The following DMD variants were observed in gnomAD, a reference collection of about 807,000 sequenced individuals.
The protein encoded by DMD is mutant dystrophin.
DMD carries 63 observed loss-of-function variants against 330.1 expected under a neutral mutation model. That is an observed-to-expected ratio of 0.19 (90% CI 0.16 to 0.24). The LOEUF (loss-of-function observed/expected upper bound fraction) is 0.24, where lower values mean the gene tolerates loss of function less well. DMD is among the 10% of genes least tolerant of loss of function. The pLI, the probability that DMD is intolerant of heterozygous loss-of-function variation, is 1.00. For missense variants in DMD, 3,344 were observed against 2,684.1 expected (o/e 1.25, Z -5.43); for synonymous variants, 1,223 against 959.8 (o/e 1.27, Z -5.07).
At chrX:32,430,134 C>CT (rs1024158007) in intron 29 of DMD, among the ~76,000 whole-genome samples, 2 of 110,781 alleles carry the variant, frequency 1.8e-5, no homozygotes, top group Admixed American at 9.6e-5. Context: ...TTTTCCATTG[C>CT]TTTTTTATTC....
At chrX:32,146,745 C>T (rs1341044815) in intron 44 of DMD, among the ~76,000 whole-genome samples, 3 of 112,216 alleles carry the variant, frequency 2.7e-5, no homozygotes, top group Non-Finnish European at 3.8e-5. Context: ...TAAGCACCCT[C>T]TATGTGTCTA....
intron 1 of DMD, among the ~76,000 whole-genome samples, chrX:33,190,284 G>A (rs1449771935): frequency 1.2e-4 from 13 of 106,469 alleles, no homozygotes; most frequent in Non-Finnish European, 2.1e-4. Context: ...CTATGATGAC[G>A]TGTGTATTTG....
intron 31 of DMD, 99 bp downstream of exon 31, chrX:32,389,972 T>C: frequency 7.3e-6 from 5 of 685,101 alleles, no homozygotes; most frequent in Non-Finnish European, 1.2e-5. Context: ...TCAAATAATG[T>C]CCTCAAATCC....
At chrX:31,423,634 T>C (rs1169417252) in intron 60 of DMD, among the ~76,000 whole-genome samples, 3 of 111,983 alleles carry the variant, frequency 2.7e-5, no homozygotes. Flanking sequence ...CACAGCTGTA[T>C]ACAGCTTAGA....
chrX:31,122,621 C>A (rs1438313679), intron 78 of DMD, among the ~76,000 whole-genome samples: 4 of 111,545 alleles, frequency 3.6e-5, no homozygotes, highest in African/African-American at 1.3e-4. Context: ...AATTAGGAAA[C>A]CTCAGAATAA....
intron 1 of DMD, among the ~76,000 whole-genome samples, chrX:33,102,124 G>A (rs1229916732): frequency 1.8e-5 from 2 of 111,469 alleles, no homozygotes; most frequent in Non-Finnish European, 3.8e-5. Flanking sequence ...AGACTGTCAC[G>A]TTTTATTTAT....
At chrX:32,027,888 G>A (rs916618143) in intron 44 of DMD, among the ~76,000 whole-genome samples, 32 of 112,436 alleles carry the variant, frequency 2.8e-4, no homozygotes, top group African/African-American at 1.0e-3. Flanking sequence ...CCTGCTATGC[G>A]TTAAGCCCTA....
At chrX:32,346,431 T>G (rs1475331733) in intron 38 of DMD, among the ~76,000 whole-genome samples, 1 of 111,369 alleles carries the variant, frequency 9.0e-6, no homozygotes, top group East Asian at 2.8e-4. Context: ...AGAAATGAGC[T>G]AAAGTTATCA....
intron 43 of DMD, among the ~76,000 whole-genome samples, chrX:32,252,677 A>AAATATATATAAAT (rs2097270520): frequency 3.0e-5 from 1 of 33,576 alleles, no homozygotes; most frequent in Non-Finnish European, 4.8e-5. Flanking sequence ...TATATATATA[A>AAATATATATAAAT]ATATATAAAT....
chrX:32,660,178 T>C (rs2060854165), intron 9 of DMD, among the ~76,000 whole-genome samples: 2 of 110,785 alleles, frequency 1.8e-5, no homozygotes, highest in African/African-American at 6.5e-5. Context: ...AAAATAAAAG[T>C]ATGAAACCTT....
intron 26 of DMD, among the ~76,000 whole-genome samples, chrX:32,449,562 C>T (rs1021633489): frequency 9.2e-6 from 1 of 108,225 alleles, no homozygotes; most frequent in Non-Finnish European, 1.9e-5. Flanking sequence ...AATCCCCTAA[C>T]ACAAGCACAA....
rs762778210 is a variant in DMD at position 31,293,163 on chromosome X, G to GGTGTGTGTGTGTGTGTGTGTGTGT, written c.9224+30411_9224+30434dup. On this transcript the variant is annotated intron_variant, in intron 62 of 78. Coordinates refer to ENST00000357033, the MANE Select transcript of DMD (RefSeq NM_004006.3). ...CTCTCTCTCACCACTCCCCCAACCC[G>GGTGTGTGTGTGTGTGTGTGTGTGT]GTGTGTGTGTGTGTGTGTGTGTGTG... Among the ~76,000 whole-genome samples, 177 of 70,540 alleles carry GGTGTGTGTGTGTGTGTGTGTGTGT rather than the reference G, an allele frequency of 2.5e-3. 6 individuals carry two copies. The highest frequency in any genetic ancestry group is 3.6e-3 in the Admixed American group (22 of 6,175). 61.3% of individuals were successfully genotyped at this position (70,540 alleles called of 115,157 possible). A position where few individuals can be genotyped will look rare whatever the true frequency, so the allele number is the denominator to read the frequency against.
rs1380586771 is a variant in DMD, at chrX:31,549,497, A to G, written c.8218-42044T>C. Among the ~76,000 whole-genome samples, 5 of 111,874 alleles carry G rather than the reference A, an allele frequency of 4.5e-5. No individual in the cohort carries two copies. In the East Asian group the frequency reaches 1.1e-3, roughly 25 times the overall value. On this transcript the variant is annotated intron_variant, in intron 55 of 78. Transcript: ENST00000357033. ...ATGAACCCTCCAAGTCAGTATTTTA[A>G]CTCTGCTACTGTGTATGTGCTAGGT... is the stretch of plus-strand genomic sequence containing the variant.
In DMD at chrX:32,730,961, G is replaced by A. The variant is rs183363286; in HGVS notation, c.650-31668C>T. Among the ~76,000 whole-genome samples, 1,003 of 111,799 alleles carry A rather than the reference G, an allele frequency of 9.0e-3. 4 individuals are homozygous for A. The highest frequency in any genetic ancestry group is 0.024 in the Middle Eastern group (5 of 211). On this transcript the variant is annotated intron_variant, in intron 7 of 78. Coordinates refer to ENST00000357033, the MANE Select transcript of DMD (RefSeq NM_004006.3). The stretch of plus-strand genomic sequence containing the variant: ...GTCTACAGCTCCCAGAGTGAGCGAC[G>A]CAGAAGACGGGTGATTTCTGCATTT...
At chrX:31,658,817 G>C (rs938540236) in intron 53 of DMD, among the ~76,000 whole-genome samples, 8 of 112,352 alleles carry the variant, frequency 7.1e-5, no homozygotes, top group African/African-American at 2.3e-4. Flanking sequence ...TTCAAAGAAA[G>C]AAGTCAATTA....
At chrX:32,729,310 C>T (rs1054852443) in intron 7 of DMD, among the ~76,000 whole-genome samples, 6 of 112,076 alleles carry the variant, frequency 5.4e-5, no homozygotes, top group African/African-American at 1.6e-4. Context: ...ATAAGGGATA[C>T]TCAACATATA....
chrX:33,010,092 A>G (rs760708898), intron 2 of DMD, among the ~76,000 whole-genome samples: 2 of 101,631 alleles, frequency 2.0e-5, no homozygotes, highest in Non-Finnish European at 4.1e-5. Context: ...ATGTGTATAT[A>G]TACATGTATA....
intron 55 of DMD, among the ~76,000 whole-genome samples, chrX:31,527,092 G>A (rs2073298201): frequency 9.0e-6 from 1 of 111,467 alleles, no homozygotes; most frequent in African/African-American, 3.3e-5. Context: ...TCCAGCCTGG[G>A]TGACAGGGTA....
intron 49 of DMD, among the ~76,000 whole-genome samples, chrX:31,832,025 T>C (rs1487876055): frequency 8.9e-6 from 1 of 112,864 alleles, no homozygotes; most frequent in Non-Finnish European, 1.9e-5. Flanking sequence ...GTTATTGGCA[T>C]GGAAATTGTG....
Sources: allele counts gnomAD v4.1 joint callset (sites outside exome capture counted in the v4.1 genomes callset), GRCh38; gene constraint gnomAD v4.1.1; transcripts MANE v1.5; gene names NCBI Gene and HGNC (gene_info 2026-07-23, HGNC 2026-07-21).